The following JAZF1 variants were observed in gnomAD, a reference collection of about 807,000 sequenced individuals.
The protein encoded by JAZF1 is JAZF zinc finger 1, also known as juxtaposed with another zinc finger protein 1.
JAZF1 carries 8 observed loss-of-function variants against 26.4 expected under a neutral mutation model. That is an observed-to-expected ratio of 0.30 (90% CI 0.18 to 0.55). The LOEUF is 0.55. JAZF1 is among the 20% of genes least tolerant of loss of function. The probability of loss-of-function intolerance (pLI) is 0.94; values close to 1 mark genes in which losing one functional copy is unlikely to be tolerated. For missense variants in JAZF1, 199 were observed against 322.0 expected (o/e 0.62, Z 2.92); for synonymous variants, 126 against 122.3 (o/e 1.03, Z -0.20).
intron 2 of JAZF1, among the ~76,000 whole-genome samples, chr7:27,949,398 G>C (rs1784973093): frequency 6.6e-6 from 1 of 152,142 alleles, no homozygotes; most frequent in South Asian, 2.1e-4. Flanking sequence ...TCAGCCTTTA[G>C]AGTGCATGTG....
chr7:28,057,838 T>C (rs1783736738), intron 1 of JAZF1, among the ~76,000 whole-genome samples: 1 of 152,236 alleles, frequency 6.6e-6, no homozygotes, highest in Non-Finnish European at 1.5e-5. Context: ...TCTTTTTGTT[T>C]TCCTTGATCA....
At chr7:27,857,011 G>C (rs917789791) in intron 3 of JAZF1, among the ~76,000 whole-genome samples, 2 of 152,262 alleles carry the variant, frequency 1.3e-5, no homozygotes, top group South Asian at 4.1e-4. Flanking sequence ...TCCTGCACCA[G>C]GGCCGCAGGT....
chr7:28,100,291 A>AT (rs2127926867), intron 1 of JAZF1, among the ~76,000 whole-genome samples: 1 of 152,346 alleles, frequency 6.6e-6, no homozygotes, highest in East Asian at 1.9e-4. Context: ...CAATCCTTAC[A>AT]TGAACTCTGG....
intron 1 of JAZF1, among the ~76,000 whole-genome samples, chr7:28,009,325 T>C (rs993705056): frequency 2.0e-5 from 3 of 152,092 alleles, no homozygotes; most frequent in Non-Finnish European, 2.9e-5. Context: ...CTTCCTACTT[T>C]AGCCAATCAG....
chr7:27,991,119 C>T (rs894375454), intron 2 of JAZF1, among the ~76,000 whole-genome samples: 1 of 152,200 alleles, frequency 6.6e-6, no homozygotes, highest in Non-Finnish European at 1.5e-5. Context: ...TGAACCTCAA[C>T]TCTGGTACCA....
At chr7:28,155,497 G>A (rs1783168838) in intron 1 of JAZF1, among the ~76,000 whole-genome samples, 1 of 152,190 alleles carries the variant, frequency 6.6e-6, no homozygotes, top group Non-Finnish European at 1.5e-5. Context: ...CCTATAAAGT[G>A]TGTTTTAGTT....
chr7:28,076,234 G>T (rs991890251), intron 1 of JAZF1, among the ~76,000 whole-genome samples: 4 of 152,196 alleles, frequency 2.6e-5, no homozygotes, highest in Non-Finnish European at 5.9e-5. Context: ...TATTTCAACG[G>T]CCCAGAGCAA....
At chr7:27,836,319 G>A (rs1397029976) in intron 4 of JAZF1, among the ~76,000 whole-genome samples, 1 of 152,104 alleles carries the variant, frequency 6.6e-6, no homozygotes, top group Non-Finnish European at 1.5e-5. Context: ...TAGGTGGGGG[G>A]GGTTCCACCA....
At chr7:27,871,227 A>C (rs1021950822) in intron 3 of JAZF1, among the ~76,000 whole-genome samples, 2 of 152,216 alleles carry the variant, frequency 1.3e-5, no homozygotes, top group Non-Finnish European at 2.9e-5. Context: ...TCATTTTTCA[A>C]ATCAATCTTG....
chr7:28,063,839 T>C (rs952017918), intron 1 of JAZF1, among the ~76,000 whole-genome samples: 2 of 152,168 alleles, frequency 1.3e-5, no homozygotes, highest in African/African-American at 4.8e-5. Context: ...ATATTTATAG[T>C]ACCATTTGAG....
chr7:28,088,663 G>T (rs550227569), intron 1 of JAZF1, among the ~76,000 whole-genome samples: 1 of 152,240 alleles, frequency 6.6e-6, no homozygotes, highest in East Asian at 1.9e-4. Context: ...CAAAGAAAAG[G>T]GGGCCTGTCT....
chr7:28,011,137 G>A (rs1313506172), intron 1 of JAZF1, among the ~76,000 whole-genome samples: 3 of 152,164 alleles, frequency 2.0e-5, no homozygotes, highest in African/African-American at 7.2e-5. Flanking sequence ...ATTTTAGCGG[G>A]CAAAATATTC....
intron 1 of JAZF1, among the ~76,000 whole-genome samples, chr7:28,011,542 G>GT (rs2128370356): frequency 6.6e-6 from 1 of 152,208 alleles, no homozygotes; most frequent in South Asian, 2.1e-4. Flanking sequence ...AACACCATTG[G>GT]GCTTGGTAAA....
chr7:28,049,092 T>TC (rs1491377041), intron 1 of JAZF1, among the ~76,000 whole-genome samples: 1 of 131,758 alleles, frequency 7.6e-6, no homozygotes, highest in African/African-American at 2.8e-5. Flanking sequence ...TCTCTCTCTC[T>TC]TTCTTTCTTT....
At chr7:27,898,286 CAT>C (rs10638646) in intron 2 of JAZF1, among the ~76,000 whole-genome samples, 1,465 of 99,576 alleles carry the variant, frequency 0.015, 63 homozygotes, top group African/African-American at 0.055. Flanking sequence ...ACGTCTAACT[CAT>C]ATATATATAT....
chr7:28,091,120 C>T (rs1020793023), intron 1 of JAZF1, among the ~76,000 whole-genome samples: 7 of 151,974 alleles, frequency 4.6e-5, no homozygotes, highest in African/African-American at 1.4e-4. Flanking sequence ...GCCACCGCGC[C>T]CGGCCTTTTT....
chr7:28,074,845 A>C (rs761164752), intron 1 of JAZF1, among the ~76,000 whole-genome samples: 1 of 152,178 alleles, frequency 6.6e-6, no homozygotes, highest in Non-Finnish European at 1.5e-5. Context: ...CTCACTGGAG[A>C]ATCCACTGTG....
intron 2 of JAZF1, among the ~76,000 whole-genome samples, chr7:27,943,914 G>C (rs986995702): frequency 6.6e-6 from 1 of 152,188 alleles, no homozygotes; most frequent in African/African-American, 2.4e-5. Flanking sequence ...ATAAAGCCTT[G>C]TGGGTTTAAG....
intron 1 of JAZF1, among the ~76,000 whole-genome samples, chr7:28,074,866 G>A (rs1455418955): frequency 1.3e-5 from 2 of 152,112 alleles, no homozygotes; most frequent in Non-Finnish European, 2.9e-5. Flanking sequence ...AATCCCATGA[G>A]CACAGAATGA....
Sources: allele counts gnomAD v4.1 joint callset (sites outside exome capture counted in the v4.1 genomes callset), GRCh38; gene constraint gnomAD v4.1.1; transcripts MANE v1.5; gene names NCBI Gene and HGNC (gene_info 2026-07-23, HGNC 2026-07-21).